Variants in TTLL9 observed in about 807,000 individuals in gnomAD.
TTLL9 encodes the protein tubulin tyrosine ligase like 9.
A neutral mutation model predicts 65.6 loss-of-function variants in TTLL9; 47 were observed. That is an observed-to-expected ratio of 0.72 (90% confidence interval 0.57 to 0.91). The LOEUF (loss-of-function observed/expected upper bound fraction) is 0.91, where lower values mean the gene tolerates loss of function less well. Ranked by LOEUF, TTLL9 falls within the 40% of genes least tolerant of loss-of-function variation. The pLI is 0.00. For synonymous variants in TTLL9, 179 were observed against 204.8 expected (o/e 0.87, Z 1.07); for missense variants, 537 against 568.8 (o/e 0.94, Z 0.57).
rs2064267132 is a variant in TTLL9 at position 31,943,838 on chromosome 20, A to T, written c.*817A>T. ...GGCTCATGGGCAGGACAGCTTCGGG[A>T]GTTGAGTGTGAGTAAAAATCTGCCT... On this transcript the variant is annotated 3_prime_UTR_variant, in exon 15 of 15. Coordinates refer to ENST00000535842, the MANE Select transcript of TTLL9 (RefSeq NM_001008409.5). 2.2e-6 allele frequency: 1 copy of T among 456,486 alleles called. No individual in the cohort carries two copies. Among genetic ancestry groups the T allele is most frequent in the African/African-American group, 2.0e-5 (1 of 50,030 alleles). 28.3% of individuals were successfully genotyped at this position (456,486 alleles called of 1,614,324 possible). A position where few individuals can be genotyped will look rare whatever the true frequency, so the allele number is the denominator to read the frequency against.
rs1402728659 is a variant in TTLL9 at position 31,873,858 on chromosome 20, AAGAAAGAAAGAAAG to A, written c.69+2665_69+2678del. On this transcript the variant is annotated intron_variant, in intron 2 of 14. Coordinates refer to ENST00000535842, the MANE Select transcript of TTLL9 (RefSeq NM_001008409.5). ...AAAGAAAGAAAGAAAGAAAGAAAGA[AAGAAAGAAAGAAAG>A]AAAGAAAGAAAGAGAAAGAAAACAC... 1.6e-3 allele frequency among the ~76,000 whole-genome samples: 241 copies of A among 150,210 alleles called. 10 individuals are homozygous for A. In the East Asian group the frequency reaches 0.045, roughly 28 times the overall value.
At chr20:31,931,588 ATCTG>A (rs1344820389) in intron 10 of TTLL9, among the ~76,000 whole-genome samples, 1 of 152,158 alleles carries the variant, frequency 6.6e-6, no homozygotes, top group African/African-American at 2.4e-5. Context: ...ACTTGCTATT[ATCTG>A]TCTTTTTCAT....
chr20:31,871,896 T>G (rs1270378039), intron 2 of TTLL9, among the ~76,000 whole-genome samples: 1 of 152,236 alleles, frequency 6.6e-6, no homozygotes, highest in Admixed American at 6.5e-5. Flanking sequence ...AATATTTTTA[T>G]TTAACTCAAT....
rs2064279425 is a variant in TTLL9, at chr20:31,944,384, CAATAT to C, written c.*1365_*1369del. The C allele has an allele frequency of 6.4e-6, 1 of 156,258 alleles. No homozygotes were observed. The highest frequency in any genetic ancestry group is 1.4e-5 in the Non-Finnish European group (1 of 70,304). 9.7% of individuals were successfully genotyped at this position (156,258 alleles called of 1,614,324 possible). A position where few individuals can be genotyped will look rare whatever the true frequency, so the allele number is the denominator to read the frequency against. On this transcript the variant is annotated 3_prime_UTR_variant, in exon 15 of 15. Coordinates refer to ENST00000535842, the MANE Select transcript of TTLL9 (RefSeq NM_001008409.5). Reference sequence around the variant, plus strand: ...TACTTTATTTACATTTTAAAATAAGCAATATATTCATACGGTTTAAAATCCAAAGT... The same window carrying C: ...TACTTTATTTACATTTTAAAATAAGCATTCATACGGTTTAAAATCCAAAGT...
At chr20:31,935,344 C>A (rs924949835) in intron 12 of TTLL9, among the ~76,000 whole-genome samples, 1 of 152,240 alleles carries the variant, frequency 6.6e-6, no homozygotes, top group Non-Finnish European at 1.5e-5. Context: ...CAAGCCTGAC[C>A]TGGCAGGGAC....
intron 1 of TTLL9, 61 bp from the exon 2 acceptor site, chr20:31,871,061 C>A: frequency 6.7e-7 from 1 of 1,489,746 alleles, no homozygotes; most frequent in Non-Finnish European, 9.4e-7. Context: ...ATTCACTCGT[C>A]CATCTTCCCA....
intron 3 of TTLL9, among the ~76,000 whole-genome samples, chr20:31,891,058 A>C (rs2063301603): frequency 6.6e-6 from 1 of 152,234 alleles, no homozygotes; most frequent in Non-Finnish European, 1.5e-5. Context: ...AGAAATGCAG[A>C]GTACAAACCC....
At chr20:31,924,679 G>A (rs1234341013) in intron 8 of TTLL9, among the ~76,000 whole-genome samples, 1 of 152,080 alleles carries the variant, frequency 6.6e-6, no homozygotes, top group Non-Finnish European at 1.5e-5. Flanking sequence ...CATCTCCTGG[G>A]CTCAAGCGAT....
chr20:31,907,584 G>A (rs937039837), intron 4 of TTLL9, among the ~76,000 whole-genome samples: 1 of 152,086 alleles, frequency 6.6e-6, no homozygotes, highest in Non-Finnish European at 1.5e-5. Flanking sequence ...AGCCAGTTGC[G>A]GTGGTGGGCA....
At chr20:31,941,373 A>C (rs1600636774) in intron 14 of TTLL9, 1 of 152,048 alleles carries the variant, frequency 6.6e-6, no homozygotes, top group South Asian at 2.1e-4. Flanking sequence ...TACTTCCTGG[A>C]CCCCCATTTG....
intron 2 of TTLL9, chr20:31,880,027 G>GGGGGGGGGGGGGGGGT: frequency 4.0e-6 from 1 of 248,772 alleles, no homozygotes; most frequent in South Asian, 3.4e-5. Context: ...GGGGGGCGGG[G>GGGGGGGGGGGGGGGGT]TGGGTTGTTC....
chr20:31,922,912 C>G lies in TTLL9; in HGVS notation c.574-51C>G. The G allele has an allele frequency of 2.0e-6, 3 of 1,481,096 alleles. No individual in the cohort carries two copies. The South Asian group carries it at 3.4e-5, about 17-fold the overall frequency. The allele number at this position is 1,481,096 out of a possible 1,614,324, so 91.7% of individuals were successfully genotyped here. A position where few individuals can be genotyped will look rare whatever the true frequency, so the allele number is the denominator to read the frequency against. On this transcript the variant is annotated intron_variant, in intron 7 of 14. Coordinates refer to ENST00000535842, the MANE Select transcript of TTLL9 (RefSeq NM_001008409.5). ...AGTGTCTAACAGAATACCTAGTACA[C>G]AGGAAATGTTCCATAAATAAATGTT...
chr20:31,925,016 G>A lies in TTLL9; in HGVS notation c.672G>A (p.Lys224=). The change falls in exon 9 of 15, where the codon AAG becomes AAA. Residue 224 remains lysine, a synonymous_variant. Coordinates refer to ENST00000535842, the MANE Select transcript of TTLL9 (RefSeq NM_001008409.5). ...TTTTTCCTTGCCTGACAGGCCGCAA[G>A]TTTGACCTGCGTGTCTATGTGCTGG... ...IENPYLIGGR[K]FDLRVYVLVM... is the part of the protein sequence containing the mutation. 1 of 1,614,182 alleles carries A rather than the reference G, an allele frequency of 6.2e-7. No homozygotes were observed. The highest frequency in any genetic ancestry group is 8.5e-7 in the Non-Finnish European group (1 of 1,180,020).
At chr20:31,941,742 T>C (rs1320957653) in intron 14 of TTLL9, among the ~76,000 whole-genome samples, 1 of 152,150 alleles carries the variant, frequency 6.6e-6, no homozygotes. Context: ...TTTTTGTGTG[T>C]GTGATTTTTT....
At chr20:31,878,048 A>G (rs2063060910) in intron 2 of TTLL9, among the ~76,000 whole-genome samples, 1 of 152,246 alleles carries the variant, frequency 6.6e-6, no homozygotes. Context: ...GAGTAGAAGC[A>G]TAAGAATTTG....
Position 31,879,856 on chromosome 20 carries a change from T to G in TTLL9, c.70-7340T>G, listed in dbSNP as rs570511684. 1.5e-4 allele frequency: 227 copies of G among 1,550,306 alleles called. No individual in the cohort carries two copies. In the East Asian group the frequency reaches 5.5e-3, roughly 37 times the overall value. ...GCACGCGAGGCGCGCGGTGGCGGTT[T>G]GGATCTGGCCCCTGGGGAATCGCGT... On this transcript the variant is annotated intron_variant, in intron 2 of 14. Coordinates refer to ENST00000535842, the MANE Select transcript of TTLL9 (RefSeq NM_001008409.5).
chr20:31,942,785 G>C (rs996627402), intron 14 of TTLL9, among the ~76,000 whole-genome samples, 160 bp from the exon 15 acceptor site: 10 of 152,268 alleles, frequency 6.6e-5, no homozygotes, highest in African/African-American at 2.2e-4. Context: ...CCTGCTTGAG[G>C]GCCATGGCAG....
At chr20:31,871,813 T>C (rs1267014078) in intron 2 of TTLL9, among the ~76,000 whole-genome samples, 3 of 152,152 alleles carry the variant, frequency 2.0e-5, no homozygotes, top group African/African-American at 4.8e-5. Context: ...TAGACCAGCA[T>C]TGTCCAAATG....
intron 3 of TTLL9, among the ~76,000 whole-genome samples, chr20:31,890,993 C>T (rs994103583): frequency 7.2e-5 from 11 of 152,184 alleles, no homozygotes; most frequent in African/African-American, 2.2e-4. Flanking sequence ...CAGGTTATTT[C>T]TATAAAAAAT....
Sources: gnomAD v4.1 joint callset for allele counts (sites outside exome capture counted in the v4.1 genomes callset) on GRCh38, gnomAD v4.1.1 for gene constraint, MANE v1.5 for transcripts, NCBI Gene and HGNC (gene_info 2026-07-23, HGNC 2026-07-21) for gene names.